CDK11B: variants seen among roughly 807,000 people sequenced by gnomAD.
The protein encoded by CDK11B is cyclin dependent kinase 11B, also known as cyclin-dependent kinase 11B.
A neutral mutation model predicts 84.0 loss-of-function variants in CDK11B; 37 were observed. That is an observed-to-expected ratio of 0.44 (90% confidence interval 0.34 to 0.58). CDK11B has a LOEUF of 0.58. Among genes scored for constraint, CDK11B ranks in the 20% least tolerant of loss-of-function variants. The pLI, the probability that CDK11B is intolerant of heterozygous loss-of-function variation, is 0.02. For missense variants in CDK11B, 427 were observed against 834.0 expected, an observed-to-expected ratio of 0.51 and a Z score of 6.01; for synonymous variants, 269 against 309.8, an observed-to-expected ratio of 0.87 and a Z score of 1.38.
chr1:1,657,665 G>C (rs1246480031), intron 1 of CDK11B, among the ~76,000 whole-genome samples, 167 bp from the exon 2 acceptor site: 10 of 127,922 alleles, frequency 7.8e-5, no homozygotes, highest in African/African-American at 3.1e-4. Flanking sequence ...TTGGGAGGCC[G>C]AGGCGAGCAG....
chr1:1,641,151 G>C, intron 9 of CDK11B, 38 bp from the exon 10 acceptor site: 2 of 1,475,496 alleles, frequency 1.4e-6, no homozygotes, highest in Non-Finnish European at 9.1e-7. Context: ...GACCAGCACC[G>C]GGGCGAGTGC....
intron 4 of CDK11B, 130 bp from the exon 5 acceptor site, chr1:1,649,767 G>T: frequency 1.3e-6 from 1 of 785,490 alleles, no homozygotes; most frequent in East Asian, 2.8e-5. Flanking sequence ...CTGAGGTCAG[G>T]AGTTCAAGGC....
chr1:1,641,433 C>G (rs533938729), intron 9 of CDK11B, among the ~76,000 whole-genome samples: 1 of 147,058 alleles, frequency 6.8e-6, no homozygotes. Flanking sequence ...CACTTGAACC[C>G]GGGAGGCAGA....
rs190642296 is a variant in CDK11B at position 1,654,479 on chromosome 1, C to T, written c.227+890G>A. On this transcript the variant is annotated intron_variant, in intron 3 of 19. Transcript: ENST00000341832. ...TTTATTTTGTGTAGAGACGAGGTCT[C>T]CCTGTGTTGCCCAGGCTGGTCTTGA... 3.9e-3 allele frequency among the ~76,000 whole-genome samples: 596 copies of T among 152,136 alleles called. 4 individuals carry two copies. The highest frequency in any genetic ancestry group is 0.012 in the African/African-American group (495 of 41,474).
chr1:1,651,125 C>T (rs1237029402), intron 4 of CDK11B, among the ~76,000 whole-genome samples: 2 of 152,158 alleles, frequency 1.3e-5, no homozygotes, highest in African/African-American at 4.8e-5. Flanking sequence ...TCCTAACACC[C>T]GTAAGAACCT....
At position 1,635,808 on chromosome 1, in the gene CDK11B, G is replaced by A; in HGVS notation, c.2305C>T (p.Gln769Ter). Residue 769 changes from glutamine to a stop codon, truncating the protein, a stop_gained, in exon 20 of 20, where the codon CAG (glutamine) becomes TAG (stop). Transcript: ENST00000341832. LOFTEE classifies it high-confidence loss of function. ...ETGFHLTTTN[Q>*]GASAAGPGFS... ...CCGGGGCCCGCGGCAGAGGCCCCCT[G>A]GTTCGTGGTGGTAAGGTGGAAGCCC... The A allele has an allele frequency of 2.9e-6, 1 of 348,216 alleles. No homozygotes were observed. The highest frequency in any genetic ancestry group is 1.1e-4 in the African/African-American group (1 of 9,296). The allele number at this position is 348,216 out of a possible 1,614,324, so 21.6% of individuals were successfully genotyped here.
chr1:1,650,007 C>T (rs1471907868), intron 4 of CDK11B, among the ~76,000 whole-genome samples: 3 of 149,408 alleles, frequency 2.0e-5, no homozygotes, highest in African/African-American at 4.9e-5. Context: ...GGCGCGGTGG[C>T]TCACGCCTGT....
chr1:1,652,732 TTTC>T (rs1184150556), intron 3 of CDK11B, among the ~76,000 whole-genome samples, 166 bp from the exon 4 acceptor site: 1 of 152,072 alleles, frequency 6.6e-6, no homozygotes, highest in Non-Finnish European at 1.5e-5. Flanking sequence ...GCATCTTTTT[TTTC>T]TTTTTTTCTT....
intron 2 of CDK11B, among the ~76,000 whole-genome samples, chr1:1,656,100 G>C (rs1459202715): frequency 2.0e-5 from 3 of 152,170 alleles, no homozygotes; most frequent in African/African-American, 4.8e-5. Context: ...ACCTCATATG[G>C]TACAGGCATC....
In CDK11B at chr1:1,657,149, C is replaced by T; in HGVS notation, c.111+226G>A. Reference sequence around the variant, plus strand: ...CTTAACATTCAACGTATTTTATTCTCCATGTATGCTCAATCTAGACACAGC... The same window carrying T: ...CTTAACATTCAACGTATTTTATTCTTCATGTATGCTCAATCTAGACACAGC... On this transcript the variant is annotated intron_variant, in intron 2 of 19. Transcript: ENST00000341832. 4 of 1,450,068 alleles carry T rather than the reference C, an allele frequency of 2.8e-6. No individual in the cohort carries two copies. In the South Asian group the frequency reaches 4.7e-5, roughly 17 times the overall value. 89.8% of individuals were successfully genotyped at this position (1,450,068 alleles called of 1,614,324 possible).
At position 1,636,461 on chromosome 1, in the gene CDK11B, C is replaced by G; in HGVS notation, c.1938G>C (p.Glu646Asp). 1 of 1,612,746 alleles carries G rather than the reference C, an allele frequency of 6.2e-7. No individual in the cohort carries two copies. Among genetic ancestry groups the G allele is most frequent in the East Asian group, 2.2e-5 (1 of 44,850 alleles). Residue 646 changes from glutamate to aspartate, a missense_variant, in exon 18 of 20, where the codon GAG (glutamate) becomes GAC (aspartate). Physicochemically the swap from Glu to Asp is conservative, Grantham distance 45. Coordinates refer to ENST00000341832, the MANE Select transcript of CDK11B (RefSeq NM_033486.3). ...GCTCGCTGTAGCCGGGCCAGATTTTCTCACTAGGGGTCCCCAGATCCTGAA... is the reference window on the plus strand; with the variant it reads ...GCTCGCTGTAGCCGGGCCAGATTTTGTCACTAGGGGTCCCCAGATCCTGAA... ...KVFKDLGTPSEKIWPGYSELP... is the reference protein window; with the variant it reads ...KVFKDLGTPSDKIWPGYSELP...
intron 11 of CDK11B, 74 bp downstream of exon 11, chr1:1,640,203 A>G (rs1160096209): frequency 5.8e-6 from 9 of 1,540,850 alleles, no homozygotes; most frequent in Non-Finnish European, 7.0e-6. Context: ...CACGGGGGCC[A>G]GGCTTCGCTC....
intron 5 of CDK11B, among the ~76,000 whole-genome samples, chr1:1,648,412 C>T (rs1641451055): frequency 6.6e-6 from 1 of 152,140 alleles, no homozygotes; most frequent in Non-Finnish European, 1.5e-5. Flanking sequence ...GGACCTTGAC[C>T]CCTGGGCCTC....
intron 1 of CDK11B, among the ~76,000 whole-genome samples, chr1:1,658,621 T>C (rs973098035): frequency 2.0e-5 from 3 of 146,756 alleles, no homozygotes; most frequent in African/African-American, 7.5e-5. Context: ...ACCGGGGAGA[T>C]GCTCCGAGAT....
intron 4 of CDK11B, 86 bp from the exon 5 acceptor site, chr1:1,649,723 C>G (rs1641639358): frequency 7.2e-7 from 1 of 1,389,508 alleles, no homozygotes; most frequent in East Asian, 2.4e-5. Context: ...GCCTGTAATC[C>G]TAGCACTTTG....
intron 2 of CDK11B, among the ~76,000 whole-genome samples, chr1:1,656,490 AAAAC>A (rs1313245477): frequency 2.0e-5 from 3 of 152,070 alleles, no homozygotes; most frequent in African/African-American, 7.2e-5. Context: ...GACTGTCTCA[AAAAC>A]AAACAAAAAA....
At chr1:1,654,805 C>T (rs2101003873) in intron 3 of CDK11B, among the ~76,000 whole-genome samples, 1 of 152,066 alleles carries the variant, frequency 6.6e-6, no homozygotes, top group East Asian at 1.9e-4. Flanking sequence ...ACTAAAGGCG[C>T]CTGCCACCAC....
At chr1:1,636,271 T>C in intron 18 of CDK11B, 62 bp downstream of exon 18, 10 of 1,479,712 alleles carry the variant, frequency 6.8e-6, no homozygotes, top group Non-Finnish European at 7.3e-6. Context: ...CAGGTAGGCC[T>C]GGGACTGGGA....
In CDK11B at chr1:1,635,453, C is replaced by T; in HGVS notation, c.*311G>A. On this transcript the variant is annotated 3_prime_UTR_variant, in exon 20 of 20. Coordinates refer to ENST00000341832, the MANE Select transcript of CDK11B (RefSeq NM_033486.3). ...CCACCCGGCTCCCACCAGTTCCTTTCCAAATCACGGCCCAGCCAGCCCCGT... is the reference window on the plus strand; with the variant it reads ...CCACCCGGCTCCCACCAGTTCCTTTTCAAATCACGGCCCAGCCAGCCCCGT... 1 of 206,184 alleles carries T rather than the reference C, an allele frequency of 4.9e-6. No individual in the cohort carries two copies. The highest frequency in any genetic ancestry group is 8.3e-6 in the Non-Finnish European group (1 of 120,938). 12.8% of individuals were successfully genotyped at this position (206,184 alleles called of 1,614,324 possible). A position where few individuals can be genotyped will look rare whatever the true frequency, so the allele number is the denominator to read the frequency against.
Sources: allele counts gnomAD v4.1 joint callset (sites outside exome capture counted in the v4.1 genomes callset), GRCh38; gene constraint gnomAD v4.1.1; transcripts MANE v1.5; gene names NCBI Gene and HGNC (gene_info 2026-07-23, HGNC 2026-07-21).